Variants in SGCZ observed in about 807,000 individuals in gnomAD.
SGCZ encodes sarcoglycan zeta.
In SGCZ, 40 loss-of-function variants were observed where a neutral mutation model predicts 41.3. The ratio of observed to expected loss-of-function variants is 0.97; its 90% CI spans 0.75 to 1.26. SGCZ has a LOEUF of 1.26. SGCZ is among the 50% of genes most tolerant of loss of function. The pLI is 0.00. For missense variants in SGCZ, 552 were observed against 369.8 expected (o/e 1.49, Z -4.04); for synonymous variants, 206 against 137.5 (o/e 1.50, Z -3.49).
chr8:14,361,398 AATCTT>A (rs569846077), intron 2 of SGCZ, among the ~76,000 whole-genome samples: 46 of 152,080 alleles, frequency 3.0e-4, no homozygotes, highest in African/African-American at 7.2e-4. Flanking sequence ...TTTTTTCTCT[AATCTT>A]ATCTTATCGC....
At chr8:15,010,689 C>G (rs922149514) in intron 1 of SGCZ, among the ~76,000 whole-genome samples, 3 of 152,112 alleles carry the variant, frequency 2.0e-5, no homozygotes, top group Non-Finnish European at 4.4e-5. Context: ...TGAAGAAAGT[C>G]AGAACTAATG....
chr8:14,273,375 GCT>G (rs1311699887), intron 3 of SGCZ, among the ~76,000 whole-genome samples: 1 of 151,834 alleles, frequency 6.6e-6, no homozygotes, highest in Non-Finnish European at 1.5e-5. Context: ...TGAGCACAAA[GCT>G]CTCTCTTTCT....
intron 5 of SGCZ, among the ~76,000 whole-genome samples, chr8:14,152,877 T>C (rs1471566821): frequency 6.6e-6 from 1 of 152,144 alleles, no homozygotes; most frequent in Admixed American, 6.5e-5. Context: ...ATACGACAAC[T>C]TGGATGAATC....
chr8:14,699,564 A>T (rs2117593184), intron 1 of SGCZ, among the ~76,000 whole-genome samples: 1 of 152,000 alleles, frequency 6.6e-6, no homozygotes, highest in Non-Finnish European at 1.5e-5. Context: ...TTGGCAAAAA[A>T]TGTATGGCTA....
At chr8:14,262,811 T>C (rs975788603) in intron 3 of SGCZ, among the ~76,000 whole-genome samples, 29 of 141,626 alleles carry the variant, frequency 2.0e-4, no homozygotes, top group Non-Finnish European at 3.7e-4. Context: ...TTTCAAGTAA[T>C]ACTTCAAGAA....
intron 1 of SGCZ, among the ~76,000 whole-genome samples, chr8:14,641,754 C>G (rs561075603): frequency 6.6e-6 from 1 of 151,642 alleles, no homozygotes; most frequent in East Asian, 1.9e-4. Context: ...ATTATAAACC[C>G]ACTTTCTAGC....
chr8:15,065,666 T>A lies in SGCZ; in HGVS notation c.39+171919A>T, dbSNP rs530321188. 4.6e-5 allele frequency among the ~76,000 whole-genome samples: 7 copies of A among 152,068 alleles called. No individual in the cohort carries two copies. In the South Asian group the frequency reaches 1.2e-3, roughly 27 times the overall value. The stretch of plus-strand genomic sequence containing the variant: ...TTTGCCCAGGCTGGTCTCAAACTCA[T>A]GAGCTCAAGCAATCCATCTGCCTCA... On this transcript the variant is annotated intron_variant, in intron 1 of 7. Transcript: ENST00000382080.
At chr8:14,974,521 T>G (rs1012043469) in intron 1 of SGCZ, among the ~76,000 whole-genome samples, 1 of 152,332 alleles carries the variant, frequency 6.6e-6, no homozygotes, top group East Asian at 1.9e-4. Context: ...CCATGCATTT[T>G]AGAATTAATC....
intron 1 of SGCZ, among the ~76,000 whole-genome samples, chr8:15,007,980 T>G (rs12674940): frequency 0.45 from 69,004 of 151,932 alleles, 15,867 homozygotes; most frequent in Middle Eastern, 0.59. Context: ...AAATATTAAT[T>G]TTATACTCTC....
rs540583440 is a variant in SGCZ, at chr8:14,570,030, T to A, written c.40-15104A>T. On this transcript the variant is annotated intron_variant, in intron 1 of 7. Transcript: ENST00000382080. ...AACCCTCCATTCCTCATTACCTTCATCTCCCTGATTTGTTTCTTTTTGGAA... is the reference window on the plus strand; with the variant it reads ...AACCCTCCATTCCTCATTACCTTCAACTCCCTGATTTGTTTCTTTTTGGAA... 2.0e-5 allele frequency among the ~76,000 whole-genome samples: 3 copies of A among 151,808 alleles called. No homozygotes were observed. In the East Asian group the frequency reaches 5.8e-4, roughly 30 times the overall value.
chr8:14,204,577 T>TAA (rs1805559930), intron 4 of SGCZ, among the ~76,000 whole-genome samples: 1 of 152,120 alleles, frequency 6.6e-6, no homozygotes, highest in African/African-American at 2.4e-5. Flanking sequence ...TATTTCTGGG[T>TAA]GTGTCTGTTA....
intron 1 of SGCZ, among the ~76,000 whole-genome samples, chr8:14,704,552 CA>C (rs897456592): frequency 5.3e-4 from 80 of 151,966 alleles, no homozygotes; most frequent in African/African-American, 1.8e-3. Context: ...ACTTTGAAGT[CA>C]GATAGAAATG....
At chr8:15,117,936 CT>C (rs1288625647) in intron 1 of SGCZ, among the ~76,000 whole-genome samples, 1 of 152,202 alleles carries the variant, frequency 6.6e-6, no homozygotes, top group Non-Finnish European at 1.5e-5. Flanking sequence ...CAGACATGTA[CT>C]TTCTCCTGAG....
At chr8:14,496,048 G>A (rs772400326) in intron 2 of SGCZ, among the ~76,000 whole-genome samples, 1 of 152,054 alleles carries the variant, frequency 6.6e-6, no homozygotes, top group Non-Finnish European at 1.5e-5. Flanking sequence ...GAAAGATCGT[G>A]TGGTCTCCTA....
chr8:15,159,904 A>G (rs923908771), intron 1 of SGCZ, among the ~76,000 whole-genome samples: 3 of 151,890 alleles, frequency 2.0e-5, no homozygotes, highest in Admixed American at 1.3e-4. Flanking sequence ...GTGTGCTACA[A>G]CTTTGTGCCA....
intron 1 of SGCZ, among the ~76,000 whole-genome samples, chr8:15,183,736 T>C (rs1055708366): frequency 3.9e-5 from 6 of 152,188 alleles, no homozygotes; most frequent in Non-Finnish European, 7.4e-5. Context: ...TTCCCAACTA[T>C]TTATAATTGC....
intron 4 of SGCZ, among the ~76,000 whole-genome samples, chr8:14,220,790 C>CAAACAAAA (rs1806166804): frequency 9.8e-6 from 1 of 102,078 alleles, no homozygotes; most frequent in Non-Finnish European, 2.8e-5. Flanking sequence ...CTGCCAAAAA[C>CAAACAAAA]AAACAAACAA....
At chr8:15,194,146 G>C (rs1299783455) in intron 1 of SGCZ, among the ~76,000 whole-genome samples, 2 of 148,990 alleles carry the variant, frequency 1.3e-5, no homozygotes, top group African/African-American at 5.0e-5. Context: ...TTATCCAATG[G>C]GCTACTCACC....
chr8:14,656,169 T>G (rs1300072907), intron 1 of SGCZ, among the ~76,000 whole-genome samples: 3 of 152,184 alleles, frequency 2.0e-5, no homozygotes, highest in Non-Finnish European at 4.4e-5. Context: ...CCAAAGTGAC[T>G]ATGCCATTTT....
Sources: allele counts gnomAD v4.1 joint callset (sites outside exome capture counted in the v4.1 genomes callset), GRCh38; gene constraint gnomAD v4.1.1; transcripts MANE v1.5; gene names NCBI Gene and HGNC (gene_info 2026-07-23, HGNC 2026-07-21).